AK7: variants seen among roughly 807,000 people sequenced by gnomAD.
AK7 encodes the protein adenylate kinase 7, also known as ATP-AMP transphosphorylase 7.
A neutral mutation model predicts 96.6 loss-of-function variants in AK7; 78 were observed. The observed-to-expected ratio is 0.81, with a 90% CI of 0.67 to 0.97. The LOEUF (loss-of-function observed/expected upper bound fraction) is 0.97. Among genes scored for constraint, AK7 ranks in the 50% least tolerant of loss-of-function variants. The probability of loss-of-function intolerance (pLI) is 0.00; values close to 1 mark genes in which losing one functional copy is unlikely to be tolerated. For missense variants in AK7, 855 were observed against 887.9 expected (o/e 0.96, Z 0.47); for synonymous variants, 302 against 317.2 (o/e 0.95, Z 0.51).
intron 1 of AK7, among the ~76,000 whole-genome samples, chr14:96,395,424 T>C (rs2139969600): frequency 6.6e-6 from 1 of 152,202 alleles, no homozygotes; most frequent in East Asian, 1.9e-4. Context: ...GAAGAGGGGC[T>C]GGTCTCAGGG....
At chr14:96,447,556 A>G (rs1893316144) in intron 8 of AK7, among the ~76,000 whole-genome samples, 1 of 152,112 alleles carries the variant, frequency 6.6e-6, no homozygotes, top group Non-Finnish European at 1.5e-5. Flanking sequence ...TCCTGAGCTC[A>G]AATGATCCTC....
intron 5 of AK7, among the ~76,000 whole-genome samples, chr14:96,425,358 A>G (rs1458295324): frequency 4.6e-5 from 7 of 152,178 alleles, no homozygotes; most frequent in Admixed American, 4.6e-4. Context: ...CATACACAAA[A>G]GGTAGACTTC....
chr14:96,478,266 T>A (rs1436416865), intron 14 of AK7, among the ~76,000 whole-genome samples, 199 bp from the exon 15 acceptor site: 1 of 151,964 alleles, frequency 6.6e-6, no homozygotes, highest in Non-Finnish European at 1.5e-5. Context: ...AAATACTAAT[T>A]GGGCCTCATA....
At chr14:96,420,441 G>T (rs1891612681) in intron 4 of AK7, among the ~76,000 whole-genome samples, 1 of 151,984 alleles carries the variant, frequency 6.6e-6, no homozygotes, top group Admixed American at 6.6e-5. Context: ...GTTGCAGTGA[G>T]CCAGGATTGT....
intron 9 of AK7, among the ~76,000 whole-genome samples, chr14:96,450,259 A>G (rs1360130690): frequency 6.6e-6 from 1 of 151,982 alleles, no homozygotes; most frequent in Admixed American, 6.6e-5. Context: ...TCTACTAAAA[A>G]TACAAAATTA....
chr14:96,415,785 A>G (rs142526793), intron 4 of AK7, among the ~76,000 whole-genome samples: 2,000 of 149,500 alleles, frequency 0.013, 60 homozygotes, highest in African/African-American at 0.045. Flanking sequence ...AATTAATTTA[A>G]TACATTAATT....
In AK7 at chr14:96,469,641, A is replaced by G. The variant is rs1482823019; in HGVS notation, c.1358-1837A>G. Reference sequence around the variant, plus strand: ...GGCACCCCTGTGAACCTTACTGGGAAGTAATGTAGAATCATTCAGAGGAAT... The same window carrying G: ...GGCACCCCTGTGAACCTTACTGGGAGGTAATGTAGAATCATTCAGAGGAAT... On this transcript the variant is annotated intron_variant, in intron 12 of 17. Transcript: ENST00000267584. Among the ~76,000 whole-genome samples the G allele has an allele frequency of 2.6e-5, 4 of 152,200 alleles. No homozygotes were observed. The South Asian group carries it at 8.3e-4, about 32-fold the overall frequency.
In AK7 at chr14:96,483,202, G is replaced by A; in HGVS notation, c.1957G>A (p.Ala653Thr). The part of the protein sequence containing the change: ...QEAVEMAEKI[A>T]RWEEWNKRLE... ...GGCCGTGGAGATGGCAGAGAAGATA[G>A]CTCGCTGGGAGGAGTGGGTGAGTGG... Residue 653 changes from alanine (A) to threonine (T), a missense_variant, in exon 16 of 18, where the codon GCT becomes ACT. Transcript: ENST00000267584. 3.1e-6 allele frequency: 5 copies of A among 1,605,632 alleles called. No individual in the cohort carries two copies. The highest frequency in any genetic ancestry group is 4.3e-6 in the Non-Finnish European group (5 of 1,176,340).
chr14:96,455,808 C>A (rs917909176), intron 10 of AK7, among the ~76,000 whole-genome samples: 1 of 152,212 alleles, frequency 6.6e-6, no homozygotes, highest in African/African-American at 2.4e-5. Flanking sequence ...AGAACATGAA[C>A]TGTCTGACCA....
chr14:96,472,566 C>T (rs1894957052), intron 13 of AK7, 121 bp from the exon 14 acceptor site: 2 of 658,850 alleles, frequency 3.0e-6, no homozygotes, highest in Non-Finnish European at 5.3e-6. Flanking sequence ...TTCTAAAATA[C>T]ATGTGCTATT....
chr14:96,408,291 G>A (rs1890839862), intron 3 of AK7, among the ~76,000 whole-genome samples: 1 of 152,224 alleles, frequency 6.6e-6, no homozygotes, highest in Admixed American at 6.5e-5. Flanking sequence ...AGGTGGCATG[G>A]TGGGTACAGC....
chr14:96,464,916 G>T (rs1446035970), intron 12 of AK7, among the ~76,000 whole-genome samples: 1 of 152,164 alleles, frequency 6.6e-6, no homozygotes, highest in African/African-American at 2.4e-5. Context: ...ATTCAAGATG[G>T]AGTCACTCCG....
chr14:96,424,216 T>G (rs1366114012), intron 5 of AK7: 1 of 502,876 alleles, frequency 2.0e-6, no homozygotes, highest in African/African-American at 2.1e-5. Context: ...TTCACCCGCG[T>G]GGCGGGGCCG....
chr14:96,468,073 CAAAAAAAAA>C lies in AK7; in HGVS notation c.1358-3390_1358-3382del, dbSNP rs35563628. Among the ~76,000 whole-genome samples, 406 of 79,134 alleles carry C rather than the reference CAAAAAAAAA, an allele frequency of 5.1e-3. 3 individuals are homozygous for C. Among genetic ancestry groups the C allele is most frequent in the African/African-American group, 0.022 (393 of 17,776 alleles). The allele number at this position is 79,134 out of a possible 152,430, so 51.9% of individuals were successfully genotyped here. ...GTGGCATAGCAAGACCCCGTCTCTA[CAAAAAAAAA>C]AAAAAAAAAAAAAATTAGCTGGGTA... is the stretch of plus-strand genomic sequence containing the variant. On this transcript the variant is annotated intron_variant, in intron 12 of 17. Transcript: ENST00000267584.
At position 96,483,130 on chromosome 14, in the gene AK7, C is replaced by A. The variant is rs1458425698; in HGVS notation, c.1885C>A (p.Arg629=). The change falls in exon 16 of 18, where the codon CGG becomes AGG. Residue 629 remains arginine, a synonymous_variant. Coordinates refer to ENST00000267584, the MANE Select transcript of AK7 (RefSeq NM_152327.5). ...AEEERKAAEE[R]LAREAAEEAE... Reference sequence around the variant, plus strand: ...AGAGGAGCGGAAGGCTGCGGAGGAGCGGCTGGCCAGGGAGGCTGCTGAGGA... The same window carrying A: ...AGAGGAGCGGAAGGCTGCGGAGGAGAGGCTGGCCAGGGAGGCTGCTGAGGA... 1.3e-5 allele frequency: 21 copies of A among 1,614,068 alleles called. No homozygotes were observed. The highest frequency in any genetic ancestry group is 1.8e-5 in the Non-Finnish European group (21 of 1,180,018).
intron 9 of AK7, among the ~76,000 whole-genome samples, chr14:96,450,991 A>G (rs571556556): frequency 2.0e-5 from 3 of 151,858 alleles, no homozygotes; most frequent in African/African-American, 4.8e-5. Flanking sequence ...AGCCAGGATG[A>G]TCTTGACCAC....
chr14:96,438,490 A>G (rs952327052), intron 6 of AK7, among the ~76,000 whole-genome samples: 2 of 152,230 alleles, frequency 1.3e-5, no homozygotes, highest in African/African-American at 2.4e-5. Context: ...GGAGAAAGAC[A>G]TCCCAGACAG....
intron 13 of AK7, among the ~76,000 whole-genome samples, chr14:96,472,342 T>C (rs1894943576): frequency 6.6e-6 from 1 of 152,210 alleles, no homozygotes; most frequent in Admixed American, 6.5e-5. Context: ...AAAAATGTTA[T>C]GGAGGTTTCA....
chr14:96,415,807 T>A (rs1545281), intron 4 of AK7, among the ~76,000 whole-genome samples: 36,274 of 148,846 alleles, frequency 0.24, 4,649 homozygotes, highest in African/African-American at 0.31. Flanking sequence ...ATTAAATTAA[T>A]TTAATACATT....
Sources: gnomAD v4.1 joint callset for allele counts (sites outside exome capture counted in the v4.1 genomes callset) on GRCh38, gnomAD v4.1.1 for gene constraint, MANE v1.5 for transcripts, NCBI Gene and HGNC (gene_info 2026-07-23, HGNC 2026-07-21) for gene names.